The following OSBPL6 variants were observed in gnomAD, a reference collection of about 807,000 sequenced individuals.
OSBPL6 encodes oxysterol-binding protein-related protein 6.
Under a neutral mutation model 125.8 loss-of-function variants are expected in OSBPL6, and 49 were observed. The observed-to-expected ratio is 0.39, with a 90% CI of 0.31 to 0.49. OSBPL6 has a LOEUF of 0.49. OSBPL6 is among the 20% of genes least tolerant of loss of function. The pLI, the probability that OSBPL6 is intolerant of heterozygous loss-of-function variation, is 0.88. For synonymous variants in OSBPL6, 394 were observed against 391.8 expected (o/e 1.01, Z -0.07); for missense variants, 986 against 1,135.4 (o/e 0.87, Z 1.89).
At chr2:178,234,208 A>G (rs950903206) in intron 1 of OSBPL6, among the ~76,000 whole-genome samples, 2 of 152,222 alleles carry the variant, frequency 1.3e-5, no homozygotes, top group Non-Finnish European at 1.5e-5. Context: ...AAATAGTAAT[A>G]ATAATGACAA....
At chr2:178,384,513 T>C (rs1694760906) in intron 18 of OSBPL6, among the ~76,000 whole-genome samples, 1 of 152,192 alleles carries the variant, frequency 6.6e-6, no homozygotes, top group South Asian at 2.1e-4. Context: ...AAATGGAGAC[T>C]TCCAGGTCAT....
At chr2:178,215,825 C>A (rs1290338827) in intron 1 of OSBPL6, among the ~76,000 whole-genome samples, 1 of 151,988 alleles carries the variant, frequency 6.6e-6, no homozygotes, top group Admixed American at 6.5e-5. Flanking sequence ...GTGTGTGGTA[C>A]TGGAGGAAAA....
chr2:178,323,906 A>G (rs146689196), intron 3 of OSBPL6: 68 of 258,426 alleles, frequency 2.6e-4, no homozygotes, highest in African/African-American at 1.3e-3. Flanking sequence ...TCTTGTGTGT[A>G]TCATAAAATT....
intron 1 of OSBPL6, among the ~76,000 whole-genome samples, chr2:178,203,267 C>T (rs538616724): frequency 1.1e-4 from 17 of 152,274 alleles, no homozygotes; most frequent in Middle Eastern, 3.4e-3. Context: ...TAGACTTGAA[C>T]TCTTGGGCTC....
At chr2:178,211,003 T>G (rs2089833279) in intron 1 of OSBPL6, among the ~76,000 whole-genome samples, 1 of 152,100 alleles carries the variant, frequency 6.6e-6, no homozygotes, top group African/African-American at 2.4e-5. Flanking sequence ...AAATCGAGGC[T>G]AGGTGCAGTG....
rs530849259 is a variant in OSBPL6, at chr2:178,256,951, G to A, written c.-350-27976G>A. Among the ~76,000 whole-genome samples, 6 of 152,122 alleles carry A rather than the reference G, an allele frequency of 3.9e-5. No individual in the cohort carries two copies. The East Asian group carries it at 1.2e-3, about 29-fold the overall frequency. On this transcript the variant is annotated intron_variant, in intron 1 of 24. Transcript: ENST00000190611. ...ATATGACTTGTATTTTGTGGATAGT[G>A]TCACCTGACTAAGCCTAACAGACAA... is the stretch of plus-strand genomic sequence containing the variant.
chr2:178,373,392 T>G (rs1575001951), intron 14 of OSBPL6, among the ~76,000 whole-genome samples: 1 of 152,238 alleles, frequency 6.6e-6, no homozygotes, highest in Non-Finnish European at 1.5e-5. Flanking sequence ...TGAATAAAAG[T>G]ATAATTTGAA....
At chr2:178,367,904 T>C (rs1188784077) in intron 13 of OSBPL6, among the ~76,000 whole-genome samples, 4 of 152,306 alleles carry the variant, frequency 2.6e-5, no homozygotes, top group African/African-American at 9.6e-5. Context: ...ATGCCACTAA[T>C]AGCGATGTTA....
chr2:178,249,549 GT>G (rs1274417966), intron 1 of OSBPL6, among the ~76,000 whole-genome samples: 2 of 152,034 alleles, frequency 1.3e-5, no homozygotes. Flanking sequence ...ATTTTTTTCT[GT>G]TTAGAGGGAA....
chr2:178,379,590 A>G (rs1694275677), intron 15 of OSBPL6, among the ~76,000 whole-genome samples: 1 of 152,252 alleles, frequency 6.6e-6, no homozygotes, highest in Admixed American at 6.5e-5. Context: ...ATAAACATGC[A>G]TGCAATGTGA....
chr2:178,302,460 A>G (rs767634418), intron 2 of OSBPL6, among the ~76,000 whole-genome samples: 24 of 152,128 alleles, frequency 1.6e-4, no homozygotes, highest in Non-Finnish European at 2.5e-4. Context: ...CTTCTCTCAG[A>G]GTTTAGACTT....
At chr2:178,260,798 C>T (rs552786864) in intron 1 of OSBPL6, among the ~76,000 whole-genome samples, 12 of 152,224 alleles carry the variant, frequency 7.9e-5, no homozygotes, top group Non-Finnish European at 1.5e-4. Flanking sequence ...CTCAATGAAA[C>T]CATTTTACTT....
At chr2:178,223,987 C>T (rs949374860) in intron 1 of OSBPL6, among the ~76,000 whole-genome samples, 2 of 152,224 alleles carry the variant, frequency 1.3e-5, no homozygotes, top group South Asian at 2.1e-4. Context: ...GATTGGTTGC[C>T]TGGGCAACCT....
chr2:178,256,002 A>G (rs1325997321), intron 1 of OSBPL6, among the ~76,000 whole-genome samples: 2 of 152,270 alleles, frequency 1.3e-5, no homozygotes, highest in South Asian at 2.1e-4. Flanking sequence ...AGGGCAGCAA[A>G]TCGAAGTCAG....
chr2:178,228,841 A>G (rs2090690078), intron 1 of OSBPL6, among the ~76,000 whole-genome samples: 1 of 152,234 alleles, frequency 6.6e-6, no homozygotes, highest in Non-Finnish European at 1.5e-5. Flanking sequence ...ATAGTTGAAA[A>G]AGTAGATTCA....
At position 178,327,119 on chromosome 2, in the gene OSBPL6, C is replaced by A. The variant is rs1454290379; in HGVS notation, c.196-1137C>A. On this transcript the variant is annotated intron_variant, in intron 4 of 24. Transcript: ENST00000190611. ...AGAAATCACCACTAAAGAACTTATTCATGTAACCAAACACCACCTGTTCCC... is the reference window on the plus strand; with the variant it reads ...AGAAATCACCACTAAAGAACTTATTAATGTAACCAAACACCACCTGTTCCC... Among the ~76,000 whole-genome samples, 7 of 149,952 alleles carry A rather than the reference C, an allele frequency of 4.7e-5. No individual in the cohort carries two copies. In the South Asian group the frequency reaches 1.5e-3, roughly 31 times the overall value.
chr2:178,395,772 TA>T lies in OSBPL6; in HGVS notation c.*241del, dbSNP rs746653123. 19,542 of 236,398 alleles carry T rather than the reference TA, an allele frequency of 0.083. 9 individuals are homozygous for T. The highest frequency in any genetic ancestry group is 0.1 in the East Asian group (889 of 8,480). The allele number at this position is 236,398 out of a possible 1,614,324, so 14.6% of individuals were successfully genotyped here. A position where few individuals can be genotyped will look rare whatever the true frequency, so the allele number is the denominator to read the frequency against. On this transcript the variant is annotated 3_prime_UTR_variant, in exon 25 of 25. Coordinates refer to ENST00000190611, the MANE Select transcript of OSBPL6 (RefSeq NM_032523.4). ...TCTGTTTTGCTGCAACCATATTCCT[TA>T]AAAAAAAAAAAAAAAAAAAAAAAAA...
At chr2:178,376,013 G>C (rs1157535493) in intron 15 of OSBPL6, among the ~76,000 whole-genome samples, 6 of 152,136 alleles carry the variant, frequency 3.9e-5, no homozygotes, top group Admixed American at 1.3e-4. Context: ...TAAGAAGGTG[G>C]AGGGCAGGGT....
chr2:178,227,502 A>G (rs891461936), intron 1 of OSBPL6, among the ~76,000 whole-genome samples: 1 of 152,254 alleles, frequency 6.6e-6, no homozygotes, highest in African/African-American at 2.4e-5. Context: ...ACGTCCAGAA[A>G]TGTTGATATT....
Sources: allele counts gnomAD v4.1 joint callset (sites outside exome capture counted in the v4.1 genomes callset), GRCh38; gene constraint gnomAD v4.1.1; transcripts MANE v1.5; gene names NCBI Gene and HGNC (gene_info 2026-07-23, HGNC 2026-07-21).